SNTG1: variants seen among roughly 807,000 people sequenced by gnomAD.
SNTG1 encodes syntrophin gamma 1.
Under a neutral mutation model 74.7 loss-of-function variants are expected in SNTG1, and 39 were observed. The observed-to-expected ratio is 0.52, with a 90% CI of 0.40 to 0.68. The LOEUF (loss-of-function observed/expected upper bound fraction) is 0.68. SNTG1 is among the 30% of genes least tolerant of loss of function. The probability of loss-of-function intolerance (pLI) is 0.00; values close to 1 mark genes in which losing one functional copy is unlikely to be tolerated. For missense variants in SNTG1, 685 were observed against 609.5 expected (o/e 1.12, Z -1.30); for synonymous variants, 254 against 217.1 (o/e 1.17, Z -1.49).
At chr8:50,088,241 G>A (rs1292617088) in intron 1 of SNTG1, among the ~76,000 whole-genome samples, 15 of 151,456 alleles carry the variant, frequency 9.9e-5, no homozygotes, top group East Asian at 3.9e-4. Flanking sequence ...ATTAGGTATT[G>A]ATGGGACGTA....
At chr8:50,391,585 T>C (rs1050553831) in intron 2 of SNTG1, among the ~76,000 whole-genome samples, 7 of 152,188 alleles carry the variant, frequency 4.6e-5, no homozygotes, top group African/African-American at 1.7e-4. Flanking sequence ...GCTGGCCTCA[T>C]AAAATGAGTT....
chr8:50,524,180 A>T (rs530279141), intron 9 of SNTG1, among the ~76,000 whole-genome samples: 1 of 152,184 alleles, frequency 6.6e-6, no homozygotes, highest in East Asian at 1.9e-4. Flanking sequence ...AGAACATACT[A>T]TAACAATCTA....
intron 1 of SNTG1, among the ~76,000 whole-genome samples, chr8:50,015,819 C>T (rs1313512315): frequency 6.6e-6 from 1 of 152,094 alleles, no homozygotes; most frequent in Non-Finnish European, 1.5e-5. Flanking sequence ...TCTTGGAAAA[C>T]ATTCTCTGCA....
intron 1 of SNTG1, among the ~76,000 whole-genome samples, chr8:50,067,250 T>C (rs1820974636): frequency 6.6e-6 from 1 of 152,172 alleles, no homozygotes; most frequent in Non-Finnish European, 1.5e-5. Context: ...CCTACATATG[T>C]GGCTTTTTTT....
At chr8:50,181,404 C>T in intron 2 of SNTG1, among the ~76,000 whole-genome samples, 1 of 152,038 alleles carries the variant, frequency 6.6e-6, no homozygotes, top group South Asian at 2.1e-4. Flanking sequence ...CTTGCCTTTC[C>T]AAAAACTTAT....
intron 2 of SNTG1, among the ~76,000 whole-genome samples, chr8:50,335,021 AT>A (rs2091094774): frequency 6.6e-6 from 1 of 152,216 alleles, no homozygotes; most frequent in Non-Finnish European, 1.5e-5. Flanking sequence ...GACCTAAAAA[AT>A]ATTAGGTAGT....
At chr8:49,963,584 TC>T (rs1225110595) in intron 1 of SNTG1, among the ~76,000 whole-genome samples, 1 of 152,146 alleles carries the variant, frequency 6.6e-6, no homozygotes, top group Admixed American at 6.5e-5. Context: ...ACTTTCCTGA[TC>T]AAGCAAGCAT....
chr8:50,339,684 A>G (rs2091261605), intron 2 of SNTG1, among the ~76,000 whole-genome samples: 1 of 151,934 alleles, frequency 6.6e-6, no homozygotes, highest in African/African-American at 2.4e-5. Context: ...TGGAGTCATA[A>G]AAAGCTCAAT....
intron 1 of SNTG1, among the ~76,000 whole-genome samples, chr8:50,062,498 C>T (rs1423815426): frequency 6.6e-6 from 1 of 152,134 alleles, no homozygotes; most frequent in Non-Finnish European, 1.5e-5. Flanking sequence ...TCATTACACA[C>T]TGTTGCTTTC....
chr8:50,148,332 G>A (rs898035130), intron 1 of SNTG1, among the ~76,000 whole-genome samples: 1 of 152,132 alleles, frequency 6.6e-6, no homozygotes, highest in Non-Finnish European at 1.5e-5. Context: ...ACTTTTGAGT[G>A]TAGGTTGGAC....
At chr8:50,374,654 A>C (rs1046613945) in intron 2 of SNTG1, among the ~76,000 whole-genome samples, 1 of 152,176 alleles carries the variant, frequency 6.6e-6, no homozygotes, top group Non-Finnish European at 1.5e-5. Context: ...GAGTGGCCTA[A>C]TTTTCACTGG....
intron 1 of SNTG1, among the ~76,000 whole-genome samples, chr8:50,065,857 G>A (rs1820855767): frequency 6.6e-6 from 1 of 152,020 alleles, no homozygotes; most frequent in African/African-American, 2.4e-5. Flanking sequence ...ATCTTCCTAG[G>A]ATGTTTTGTC....
chr8:50,296,278 A>T (rs1181660507), intron 2 of SNTG1, among the ~76,000 whole-genome samples: 1 of 152,224 alleles, frequency 6.6e-6, no homozygotes, highest in Non-Finnish European at 1.5e-5. Flanking sequence ...TACCCAAAGG[A>T]ATATAAATTA....
chr8:50,467,367 C>T (rs1207146471), intron 8 of SNTG1, among the ~76,000 whole-genome samples: 1 of 151,750 alleles, frequency 6.6e-6, no homozygotes, highest in Non-Finnish European at 1.5e-5. Context: ...TTTGTATTAT[C>T]TATTTCTTCT....
At chr8:49,953,473 G>T (rs943735470) in intron 1 of SNTG1, among the ~76,000 whole-genome samples, 1 of 152,172 alleles carries the variant, frequency 6.6e-6, no homozygotes, top group African/African-American at 2.4e-5. Flanking sequence ...ACAGGTCAGG[G>T]TCCCAGGTGC....
In SNTG1 at chr8:50,360,446, A is replaced by T. The variant is rs2091926532; in HGVS notation, c.-27-33766A>T. On this transcript the variant is annotated intron_variant, in intron 2 of 18. Coordinates refer to ENST00000642720, the MANE Select transcript of SNTG1 (RefSeq NM_018967.5). ...GTCTTGCCATTGTGACCTCCTAGAA[A>T]GTGTGGGTGGGTTATCACTAATATC... Among the ~76,000 whole-genome samples, 5 of 152,154 alleles carry T rather than the reference A, an allele frequency of 3.3e-5. No homozygotes were observed. The South Asian group carries it at 8.3e-4, about 25-fold the overall frequency.
In SNTG1 at chr8:50,559,631, A is replaced by T. The variant is rs188285145; in HGVS notation, c.810+6452A>T. Among the ~76,000 whole-genome samples the T allele has an allele frequency of 4.2e-3, 644 of 152,270 alleles. 9 individuals carry two copies. The highest frequency in any genetic ancestry group is 0.014 in the African/African-American group (584 of 41,572). ...CTGAAAAAATAAGAACTTGGAAAGG[A>T]TTCCCTATTTAATAAATGGTTCTGG... On this transcript the variant is annotated intron_variant, in intron 12 of 18. Coordinates refer to ENST00000642720, the MANE Select transcript of SNTG1 (RefSeq NM_018967.5).
At chr8:50,171,223 A>G (rs1199752284) in intron 1 of SNTG1, among the ~76,000 whole-genome samples, 1 of 152,006 alleles carries the variant, frequency 6.6e-6, no homozygotes, top group Non-Finnish European at 1.5e-5. Flanking sequence ...ATACATACAT[A>G]TATATATATT....
intron 1 of SNTG1, among the ~76,000 whole-genome samples, chr8:50,089,946 A>T (rs1221292864): frequency 1.3e-5 from 2 of 152,228 alleles, no homozygotes; most frequent in African/African-American, 4.8e-5. Flanking sequence ...TGCTATAAAG[A>T]CACATGCACA....
Sources: allele counts gnomAD v4.1 joint callset (sites outside exome capture counted in the v4.1 genomes callset), GRCh38; gene constraint gnomAD v4.1.1; transcripts MANE v1.5; gene names NCBI Gene and HGNC (gene_info 2026-07-23, HGNC 2026-07-21).